Variants in HECW2 observed in about 807,000 individuals in gnomAD.
HECW2 encodes HECT, C2 and WW domain containing E3 ubiquitin protein ligase 2.
A neutral mutation model predicts 175.2 loss-of-function variants in HECW2; 61 were observed. That is an observed-to-expected ratio of 0.35 (90% CI 0.28 to 0.43). HECW2 has a LOEUF of 0.43. Among genes scored for constraint, HECW2 ranks in the 20% least tolerant of loss-of-function variants. HECW2 has a pLI of 1.00. For missense variants in HECW2, 1,524 were observed against 2,000.5 expected, an observed-to-expected ratio of 0.76 and a Z score of 4.54; for synonymous variants, 671 against 731.0, an observed-to-expected ratio of 0.92 and a Z score of 1.32.
chr2:196,304,932 GT>G lies in HECW2; in HGVS notation c.2814+1555del, dbSNP rs151106474. 5.8e-3 allele frequency among the ~76,000 whole-genome samples: 876 copies of G among 152,322 alleles called. 7 individuals are homozygous for G. The highest frequency in any genetic ancestry group is 0.02 in the Middle Eastern group (6 of 294). On this transcript the variant is annotated intron_variant, in intron 13 of 28. Transcript: ENST00000644978. ...AGACTTGCAGCTTCACGAATCGATT[GT>G]TTTGCAAATGATGCTTCTTCTACCT...
At chr2:196,204,370 A>T (rs13385071) in intron 28 of HECW2, among the ~76,000 whole-genome samples, 21,629 of 151,460 alleles carry the variant, frequency 0.14, 3,491 homozygotes, top group African/African-American at 0.4. Context: ...TATAATAGCT[A>T]TTGTAATGGG....
intron 28 of HECW2, among the ~76,000 whole-genome samples, chr2:196,202,680 T>G (rs2105758323): frequency 6.6e-6 from 1 of 152,242 alleles, no homozygotes; most frequent in South Asian, 2.1e-4. Flanking sequence ...TAATGACCCA[T>G]GAGAATGATG....
intron 23 of HECW2, among the ~76,000 whole-genome samples, chr2:196,224,863 G>A (rs1387998371): frequency 2.6e-5 from 4 of 152,152 alleles, no homozygotes; most frequent in African/African-American, 9.7e-5. Context: ...ACAGAAAACG[G>A]CACCTGTTCC....
intron 1 of HECW2, among the ~76,000 whole-genome samples, chr2:196,583,963 G>GTAC (rs1195631638): frequency 6.6e-6 from 1 of 152,196 alleles, no homozygotes; most frequent in Admixed American, 6.5e-5. Context: ...ATTCCCAAGA[G>GTAC]GGTAGCATAT....
At chr2:196,350,385 T>C (rs1056648266) in intron 2 of HECW2, among the ~76,000 whole-genome samples, 14 of 152,080 alleles carry the variant, frequency 9.2e-5, no homozygotes, top group Non-Finnish European at 1.3e-4. Flanking sequence ...ACAAATAAAA[T>C]GCTAATTCTT....
intron 1 of HECW2, among the ~76,000 whole-genome samples, chr2:196,573,904 G>T (rs1252576563): frequency 6.6e-6 from 1 of 151,842 alleles, no homozygotes; most frequent in Non-Finnish European, 1.5e-5. Context: ...TAAACAGCTA[G>T]ACAGGATGGT....
intron 2 of HECW2, among the ~76,000 whole-genome samples, chr2:196,354,479 G>A (rs1407018269): frequency 6.6e-6 from 1 of 152,242 alleles, no homozygotes; most frequent in East Asian, 1.9e-4. Flanking sequence ...ACCAAGGCCT[G>A]GTGGGCTGAC....
intron 6 of HECW2, among the ~76,000 whole-genome samples, chr2:196,324,258 G>A (rs1402875224): frequency 6.6e-6 from 1 of 152,066 alleles, no homozygotes; most frequent in Non-Finnish European, 1.5e-5. Flanking sequence ...AGAAATGGAG[G>A]GAGAGCTCAA....
rs201916150 is a variant in HECW2 at position 196,460,776 on chromosome 2, ATTTTTTTT to A, written c.-35-27326_-35-27319del. Among the ~76,000 whole-genome samples the A allele has an allele frequency of 9.9e-3, 1,152 of 116,020 alleles. 13 individuals carry two copies. Among genetic ancestry groups the A allele is most frequent in the African/African-American group, 0.029 (983 of 34,306 alleles). 76.1% of individuals were successfully genotyped at this position (116,020 alleles called of 152,430 possible). A position where few individuals can be genotyped will look rare whatever the true frequency, so the allele number is the denominator to read the frequency against. ...CAAGCATGCATCACCACACCTGGCA[ATTTTTTTT>A]TTTTTTTTTTTTTTTTTTTTTGGAG... is the stretch of plus-strand genomic sequence containing the variant. On this transcript the variant is annotated intron_variant, in intron 1 of 28. Coordinates refer to ENST00000644978, the MANE Select transcript of HECW2 (RefSeq NM_001348768.2).
intron 22 of HECW2, among the ~76,000 whole-genome samples, chr2:196,227,039 C>G (rs1237792246): frequency 2.6e-5 from 4 of 152,156 alleles, no homozygotes; most frequent in African/African-American, 9.7e-5. Context: ...GAGATTCGTA[C>G]AGTAAGTTTG....
At chr2:196,348,792 T>C (rs1693059717) in intron 2 of HECW2, among the ~76,000 whole-genome samples, 4 of 152,210 alleles carry the variant, frequency 2.6e-5, no homozygotes, top group Admixed American at 2.6e-4. Context: ...ATGCCACTGG[T>C]CTTTAAAACC....
chr2:196,580,417 A>G (rs2125526899), intron 1 of HECW2, among the ~76,000 whole-genome samples: 1 of 152,326 alleles, frequency 6.6e-6, no homozygotes, highest in African/African-American at 2.4e-5. Context: ...AGAAGAAAAT[A>G]TTTGCAAGGC....
intron 19 of HECW2, 169 bp from the exon 20 acceptor site, chr2:196,242,373 G>C: frequency 1.4e-6 from 1 of 740,362 alleles, no homozygotes; most frequent in East Asian, 2.8e-5. Context: ...CCTCAACCAA[G>C]GTCTTAAGTG....
chr2:196,532,578 G>A (rs1688879170), intron 1 of HECW2, among the ~76,000 whole-genome samples: 2 of 151,964 alleles, frequency 1.3e-5, no homozygotes, highest in South Asian at 2.1e-4. Flanking sequence ...GTATACCAAT[G>A]TATTAAAACT....
At chr2:196,469,127 G>A (rs1296725108) in intron 1 of HECW2, among the ~76,000 whole-genome samples, 2 of 99,958 alleles carry the variant, frequency 2.0e-5, no homozygotes, top group African/African-American at 1.1e-4. Context: ...GTGCGTGTGT[G>A]TGTGTGTGTG....
In HECW2 at chr2:196,271,292, GA is replaced by G. The variant is rs768443109; in HGVS notation, c.3239-4del. Reference sequence around the variant, plus strand: ...TGCAACAATCTTGTCATTGTAAGCTGAAAAAAAAATCAGAAAAGACAACAAT... The same window carrying G: ...TGCAACAATCTTGTCATTGTAAGCTGAAAAAAAATCAGAAAAGACAACAAT... On this transcript the variant is annotated splice_region_variant and splice_polypyrimidine_tract_variant and intron_variant, in intron 16 of 28. Coordinates refer to ENST00000644978, the MANE Select transcript of HECW2 (RefSeq NM_001348768.2). 9.9e-5 allele frequency: 154 copies of G among 1,554,972 alleles called. No homozygotes were observed. The highest frequency in any genetic ancestry group is 1.7e-4 in the Middle Eastern group (1 of 5,830).
Position 196,320,409 on chromosome 2 carries a change from T to G in HECW2, c.915A>C (p.Arg305Ser). 3.7e-6 allele frequency: 6 copies of G among 1,612,932 alleles called. No individual in the cohort carries two copies. Among genetic ancestry groups the G allele is most frequent in the Non-Finnish European group, 4.2e-6 (5 of 1,179,074 alleles). ...GDQMLSYNLGRRLPADHVSGY... is the reference protein window; with the variant it reads ...GDQMLSYNLGSRLPADHVSGY... ...CACTCACGTGGTCAGCTGGGAGCCT[T>G]CTGCCAAGGTTGTAGCTGAGCATTT... Residue 305 changes from arginine (R) to serine (S), a missense_variant, in exon 8 of 29, where the codon AGA becomes AGC. This residue lies in a region of HECW2 where 95 missense variants were observed against 136.8 expected (regional missense o/e 0.69). Coordinates refer to ENST00000644978, the MANE Select transcript of HECW2 (RefSeq NM_001348768.2).
At chr2:196,323,552 G>T (rs1415830154) in intron 6 of HECW2, among the ~76,000 whole-genome samples, 1 of 152,120 alleles carries the variant, frequency 6.6e-6, no homozygotes, top group Non-Finnish European at 1.5e-5. Flanking sequence ...GTTTTCCAAA[G>T]GGCCAAGCAA....
chr2:196,530,334 T>C (rs940881642), intron 1 of HECW2, among the ~76,000 whole-genome samples: 1 of 152,202 alleles, frequency 6.6e-6, no homozygotes, highest in Admixed American at 6.5e-5. Context: ...TGGACAGTAA[T>C]AGATTAAAAT....
Sources: gnomAD v4.1 joint callset for allele counts (sites outside exome capture counted in the v4.1 genomes callset) on GRCh38, gnomAD v4.1.1 for gene constraint, gnomAD v4.1.1 regional missense constraint, MANE v1.5 for transcripts, NCBI Gene and HGNC (gene_info 2026-07-23, HGNC 2026-07-21) for gene names.